The following PCDH9 variants were observed in gnomAD, a reference collection of about 807,000 sequenced individuals.
The protein encoded by PCDH9 is protocadherin 9, also known as protocadherin-9.
In PCDH9, 24 loss-of-function variants were observed where a neutral mutation model predicts 70.6. The observed-to-expected ratio is 0.34, with a 90% CI of 0.25 to 0.48. The LOEUF is 0.48. Among genes scored for constraint, PCDH9 ranks in the 20% least tolerant of loss-of-function variants. The pLI, the probability that PCDH9 is intolerant of heterozygous loss-of-function variation, is 0.99. For missense variants in PCDH9, 1,281 were observed against 1,503.6 expected, an observed-to-expected ratio of 0.85 and a Z score of 2.45; for synonymous variants, 562 against 558.5, an observed-to-expected ratio of 1.01 and a Z score of -0.09.
chr13:67,000,711 T>A (rs2084226526), intron 2 of PCDH9, among the ~76,000 whole-genome samples: 1 of 152,136 alleles, frequency 6.6e-6, no homozygotes, highest in African/African-American at 2.4e-5. Context: ...AATAATAGAA[T>A]CAATATTTCT....
At chr13:66,868,938 A>G (rs2081623312) in intron 3 of PCDH9, among the ~76,000 whole-genome samples, 1 of 152,190 alleles carries the variant, frequency 6.6e-6, no homozygotes, top group Non-Finnish European at 1.5e-5. Flanking sequence ...ACGCTTAAGA[A>G]CTGTATATAA....
At chr13:67,210,855 T>C (rs1029048924) in intron 2 of PCDH9, 1 of 152,014 alleles carries the variant, frequency 6.6e-6, no homozygotes. Context: ...TAGTCACTTA[T>C]AAAAATCAGA....
intron 3 of PCDH9, among the ~76,000 whole-genome samples, chr13:66,686,885 T>C (rs2078411214): frequency 6.6e-6 from 1 of 152,164 alleles, no homozygotes; most frequent in Non-Finnish European, 1.5e-5. Flanking sequence ...ATTGTTAAAA[T>C]TTAAATTATA....
At chr13:66,434,562 A>G (rs761295969) in intron 4 of PCDH9, among the ~76,000 whole-genome samples, 21 of 152,048 alleles carry the variant, frequency 1.4e-4, no homozygotes, top group Non-Finnish European at 2.2e-4. Context: ...TGGATGATCA[A>G]TGCTTGTTGA....
At chr13:66,448,100 A>T (rs1001083954) in intron 4 of PCDH9, among the ~76,000 whole-genome samples, 1 of 152,140 alleles carries the variant, frequency 6.6e-6, no homozygotes, top group Non-Finnish European at 1.5e-5. Flanking sequence ...AAGAAAAAAA[A>T]TGCTGGTGGG....
intron 2 of PCDH9, among the ~76,000 whole-genome samples, chr13:67,017,330 T>C (rs1230403979): frequency 6.6e-6 from 1 of 152,268 alleles, no homozygotes; most frequent in Non-Finnish European, 1.5e-5. Context: ...TCGGTTTTAC[T>C]ATAAATGAAG....
At chr13:66,340,365 A>G (rs957013049) in intron 4 of PCDH9, among the ~76,000 whole-genome samples, 1 of 152,154 alleles carries the variant, frequency 6.6e-6, no homozygotes, top group Admixed American at 6.5e-5. Flanking sequence ...GATAGTTTTC[A>G]TGGTGACACT....
intron 2 of PCDH9, among the ~76,000 whole-genome samples, chr13:67,071,431 T>C (rs1230817761): frequency 6.6e-6 from 1 of 152,228 alleles, no homozygotes; most frequent in African/African-American, 2.4e-5. Context: ...TTGGTAGGGA[T>C]ATAAATTTAT....
intron 4 of PCDH9, among the ~76,000 whole-genome samples, chr13:66,441,813 T>C (rs916720252): frequency 1.4e-4 from 21 of 152,142 alleles, no homozygotes; most frequent in Non-Finnish European, 2.9e-5. Flanking sequence ...TTAAAAACAG[T>C]AAAAATTGTG....
At chr13:66,546,651 G>T (rs1004370361) in intron 4 of PCDH9, among the ~76,000 whole-genome samples, 6 of 152,106 alleles carry the variant, frequency 3.9e-5, no homozygotes, top group Non-Finnish European at 5.9e-5. Context: ...GCTCAAATAT[G>T]CAGAGTTTAT....
chr13:67,213,671 A>C (rs2089524951), intron 2 of PCDH9: 1 of 152,128 alleles, frequency 6.6e-6, no homozygotes, highest in Middle Eastern at 3.2e-3. Flanking sequence ...AAATCACACC[A>C]GTTTTCCAGG....
At chr13:66,402,703 G>A (rs1039842079) in intron 4 of PCDH9, among the ~76,000 whole-genome samples, 7 of 151,974 alleles carry the variant, frequency 4.6e-5, no homozygotes, top group Admixed American at 1.3e-4. Context: ...TGCAAACTTC[G>A]GTTTCTCAGC....
At chr13:66,512,191 T>C (rs1959508094) in intron 4 of PCDH9, among the ~76,000 whole-genome samples, 1 of 151,538 alleles carries the variant, frequency 6.6e-6, no homozygotes, top group Non-Finnish European at 1.5e-5. Context: ...GGTGGCTTCA[T>C]CCCTGCCTAT....
At chr13:66,901,100 T>TCTTA (rs1294298822) in intron 3 of PCDH9, among the ~76,000 whole-genome samples, 4 of 151,706 alleles carry the variant, frequency 2.6e-5, no homozygotes, top group Non-Finnish European at 5.9e-5. Context: ...AAACCTTGCA[T>TCTTA]CTTAGAATGT....
At chr13:67,087,750 G>C (rs2086137704) in intron 2 of PCDH9, among the ~76,000 whole-genome samples, 1 of 152,024 alleles carries the variant, frequency 6.6e-6, no homozygotes. Flanking sequence ...ATTTTCATCA[G>C]TGATGCCAAG....
chr13:67,027,263 T>C (rs1042816495), intron 2 of PCDH9, among the ~76,000 whole-genome samples: 1 of 152,060 alleles, frequency 6.6e-6, no homozygotes, highest in African/African-American at 2.4e-5. Flanking sequence ...TAACGCCGCA[T>C]ATCCACAACT....
intron 3 of PCDH9, among the ~76,000 whole-genome samples, chr13:66,866,261 T>C (rs1378633421): frequency 1.3e-5 from 2 of 151,984 alleles, no homozygotes; most frequent in Non-Finnish European, 2.9e-5. Flanking sequence ...GGTGGGCTGA[T>C]CACGAGGTCA....
chr13:66,540,466 T>A (rs1476981931), intron 4 of PCDH9, among the ~76,000 whole-genome samples: 1 of 152,178 alleles, frequency 6.6e-6, no homozygotes. Flanking sequence ...GCAGAAATTT[T>A]ATTATTAAGC....
chr13:66,532,254 T>C (rs1406623270), intron 4 of PCDH9, among the ~76,000 whole-genome samples: 2 of 152,014 alleles, frequency 1.3e-5, no homozygotes, highest in African/African-American at 4.8e-5. Flanking sequence ...TCCTCCTGTC[T>C]TGGCCTCCCA....
Sources: allele counts gnomAD v4.1 joint callset (sites outside exome capture counted in the v4.1 genomes callset), GRCh38; gene constraint gnomAD v4.1.1; transcripts MANE v1.5; gene names NCBI Gene and HGNC (gene_info 2026-07-23, HGNC 2026-07-21).